CACNA2D3: variants seen among roughly 807,000 people sequenced by gnomAD.
CACNA2D3 encodes the protein calcium voltage-gated channel auxiliary subunit alpha2delta 3.
In CACNA2D3, 60 loss-of-function variants were observed where a neutral mutation model predicts 160.6. The observed-to-expected ratio is 0.37, with a 90% confidence interval of 0.30 to 0.46. The LOEUF is 0.46. CACNA2D3 is among the 20% of genes least tolerant of loss of function. The pLI, the probability that CACNA2D3 is intolerant of heterozygous loss-of-function variation, is 1.00. For missense variants in CACNA2D3, 1,205 were observed against 1,365.0 expected, an observed-to-expected ratio of 0.88 and a Z score of 1.85; for synonymous variants, 558 against 492.9, an observed-to-expected ratio of 1.13 and a Z score of -1.75.
intron 11 of CACNA2D3, among the ~76,000 whole-genome samples, chr3:54,642,728 A>C (rs1291970621): frequency 6.6e-6 from 1 of 152,022 alleles, no homozygotes; most frequent in Non-Finnish European, 1.5e-5. Flanking sequence ...TCTGTTCTCT[A>C]TTCTGATCCT....
At chr3:54,543,524 T>G (rs1702016058) in intron 5 of CACNA2D3, among the ~76,000 whole-genome samples, 1 of 152,200 alleles carries the variant, frequency 6.6e-6, no homozygotes, top group Admixed American at 6.5e-5. Context: ...ATGTCTGGTT[T>G]AAGATGAAAT....
intron 16 of CACNA2D3, among the ~76,000 whole-genome samples, chr3:54,842,073 C>G (rs1698831621): frequency 6.6e-6 from 1 of 152,188 alleles, no homozygotes; most frequent in Admixed American, 6.5e-5. Flanking sequence ...TAATGTTGGA[C>G]TTCGTCATAT....
chr3:54,547,685 T>C (rs1182671231), intron 5 of CACNA2D3, among the ~76,000 whole-genome samples: 1 of 146,678 alleles, frequency 6.8e-6, no homozygotes, highest in Non-Finnish European at 1.5e-5. Flanking sequence ...TTTTTTTTTT[T>C]TTTTTTTTTT....
chr3:54,517,387 G>C, intron 5 of CACNA2D3, among the ~76,000 whole-genome samples: 1 of 152,210 alleles, frequency 6.6e-6, no homozygotes, highest in African/African-American at 2.4e-5. Context: ...CCTCAGCTAG[G>C]AAGCATTGGT....
Position 54,557,284 on chromosome 3 carries a change from CTCT to C in CACNA2D3, c.545-5511_545-5509del, listed in dbSNP as rs1702256078. Among the ~76,000 whole-genome samples the C allele has an allele frequency of 2.6e-5, 4 of 152,286 alleles. No homozygotes were observed. The South Asian group carries it at 8.3e-4, about 32-fold the overall frequency. On this transcript the variant is annotated intron_variant, in intron 5 of 37. Transcript: ENST00000474759. ...ATGCCCTTGGAAAAATCGAAGCCCCCTCTTCTTGCAGAAGCATAATTTTAGAGC... is the reference window on the plus strand; with the variant it reads ...ATGCCCTTGGAAAAATCGAAGCCCCCTCTTGCAGAAGCATAATTTTAGAGC...
intron 11 of CACNA2D3, among the ~76,000 whole-genome samples, chr3:54,742,896 C>T (rs1266851230): frequency 6.6e-6 from 1 of 152,270 alleles, no homozygotes; most frequent in East Asian, 1.9e-4. Flanking sequence ...CAGATCAGAG[C>T]TTTTTTATAC....
intron 3 of CACNA2D3, among the ~76,000 whole-genome samples, chr3:54,366,858 A>G (rs892003588): frequency 3.3e-5 from 5 of 152,262 alleles, no homozygotes; most frequent in African/African-American, 1.2e-4. Flanking sequence ...ATCCCAAATG[A>G]TTCTGCAATA....
chr3:54,699,020 G>C (rs544747412), intron 11 of CACNA2D3, among the ~76,000 whole-genome samples: 26 of 152,138 alleles, frequency 1.7e-4, no homozygotes, highest in Non-Finnish European at 3.4e-4. Flanking sequence ...TGTAATTACC[G>C]TTATTATTTA....
intron 17 of CACNA2D3, among the ~76,000 whole-genome samples, chr3:54,868,584 T>A (rs527767389): frequency 3.3e-5 from 5 of 152,324 alleles, no homozygotes; most frequent in Admixed American, 2.6e-4. Flanking sequence ...TGATTCCACC[T>A]TTGCCAAATA....
chr3:55,026,949 C>T (rs1703574299), intron 35 of CACNA2D3, among the ~76,000 whole-genome samples: 1 of 152,188 alleles, frequency 6.6e-6, no homozygotes, highest in African/African-American at 2.4e-5. Flanking sequence ...TTTGCTACCC[C>T]TTTGTCCCTT....
chr3:55,065,671 A>G (rs1046164414), intron 35 of CACNA2D3, among the ~76,000 whole-genome samples: 2 of 151,538 alleles, frequency 1.3e-5, no homozygotes, highest in African/African-American at 2.4e-5. Context: ...TGTCGAAAGA[A>G]AGAAGAGAGA....
chr3:54,681,129 GAGAGAGAGAC>G (rs2106914160), intron 11 of CACNA2D3, among the ~76,000 whole-genome samples: 1 of 151,916 alleles, frequency 6.6e-6, no homozygotes, highest in African/African-American at 2.4e-5. Flanking sequence ...GAGAGAGAGA[GAGAGAGAGAC>G]AGAGAGAGAA....
intron 2 of CACNA2D3, among the ~76,000 whole-genome samples, chr3:54,217,202 C>T (rs192527447): frequency 3.0e-4 from 46 of 152,220 alleles, no homozygotes; most frequent in Non-Finnish European, 5.6e-4. Flanking sequence ...CAGCCAGAGG[C>T]GTGTTCAGCA....
intron 13 of CACNA2D3, among the ~76,000 whole-genome samples, chr3:54,798,593 T>G (rs892288495): frequency 2.0e-5 from 3 of 152,290 alleles, no homozygotes; most frequent in South Asian, 4.1e-4. Flanking sequence ...CACTACAGCA[T>G]GTGTTTCTAT....
chr3:54,453,906 T>C (rs886064342), intron 4 of CACNA2D3, among the ~76,000 whole-genome samples: 1 of 152,206 alleles, frequency 6.6e-6, no homozygotes, highest in Admixed American at 6.5e-5. Flanking sequence ...ATAAGTCACA[T>C]ATTCTCTACT....
intron 29 of CACNA2D3, among the ~76,000 whole-genome samples, chr3:54,977,655 GTACTCAACA>G (rs1278524394): frequency 6.6e-6 from 1 of 152,116 alleles, no homozygotes; most frequent in East Asian, 1.9e-4. Flanking sequence ...GGCCACTTCT[GTACTCAACA>G]TGTATTTACT....
intron 2 of CACNA2D3, among the ~76,000 whole-genome samples, chr3:54,279,750 G>A (rs1456772783): frequency 1.3e-5 from 2 of 152,170 alleles, no homozygotes; most frequent in South Asian, 2.1e-4. Flanking sequence ...GCACAGAGCT[G>A]TCTCTGTTCT....
intron 9 of CACNA2D3, among the ~76,000 whole-genome samples, chr3:54,586,587 T>C (rs1199507315): frequency 6.6e-6 from 1 of 152,206 alleles, no homozygotes; most frequent in African/African-American, 2.4e-5. Context: ...TTGGGACTTG[T>C]ACATTCCACA....
chr3:55,004,488 C>A (rs1703046881), intron 31 of CACNA2D3, among the ~76,000 whole-genome samples: 1 of 152,210 alleles, frequency 6.6e-6, no homozygotes, highest in South Asian at 2.1e-4. Context: ...TTGTTCAGAC[C>A]AAATGACTGT....
Sources: allele counts gnomAD v4.1 joint callset (sites outside exome capture counted in the v4.1 genomes callset), GRCh38; gene constraint gnomAD v4.1.1; transcripts MANE v1.5; gene names NCBI Gene and HGNC (gene_info 2026-07-23, HGNC 2026-07-21).